EDDM13: variants seen among roughly 807,000 people sequenced by gnomAD.
EDDM13 encodes epididymal protein 13.
Under a neutral mutation model 17.8 loss-of-function variants are expected in EDDM13, and 24 were observed. The ratio of observed to expected loss-of-function variants is 1.35; its 90% CI spans 0.98 to 1.90. The LOEUF (loss-of-function observed/expected upper bound fraction) is 1.90, where lower values mean the gene tolerates loss of function less well. EDDM13 is among the 40% of genes most tolerant of loss of function. The pLI, the probability that EDDM13 is intolerant of heterozygous loss-of-function variation, is 0.00. For missense variants in EDDM13, 97 were observed against 100.8 expected (o/e 0.96, Z 0.16); for synonymous variants, 31 against 37.5 (o/e 0.83, Z 0.63).
intron 13 of EDDM13, among the ~76,000 whole-genome samples, chr19:56,304,058 A>G (rs2040519317): frequency 6.6e-6 from 1 of 152,310 alleles, no homozygotes; most frequent in African/African-American, 2.4e-5. Context: ...AGCCGCCAGC[A>G]AGATCCCTTC....
At position 56,310,310 on chromosome 19, in the gene EDDM13, T is replaced by A. The variant is rs2040956807; in HGVS notation, c.*162T>A. ...GGTGCCCAGAGGCATGGCCAGAAGG[T>A]GTCTGTGGGGGCCATGCCTTAGGGG... is the stretch of plus-strand genomic sequence containing the variant. On this transcript the variant is annotated 3_prime_UTR_variant, in exon 15 of 15. Coordinates refer to ENST00000649256, the MANE Select transcript of EDDM13 (RefSeq NM_001354658.2). 6.6e-6 allele frequency: 1 copy of A among 152,208 alleles called. No homozygotes were observed. Among genetic ancestry groups the A allele is most frequent in the Non-Finnish European group, 1.5e-5 (1 of 68,074 alleles). 9.4% of individuals were successfully genotyped at this position (152,208 alleles called of 1,614,324 possible).
At chr19:56,301,546 G>T (rs1004681428) in intron 12 of EDDM13, among the ~76,000 whole-genome samples, 1 of 152,138 alleles carries the variant, frequency 6.6e-6, no homozygotes, top group Non-Finnish European at 1.5e-5. Flanking sequence ...GGGTCTTTGC[G>T]ACTTGTATCT....
chr19:56,292,166 C>T (rs1021057802), intron 9 of EDDM13, among the ~76,000 whole-genome samples: 10 of 152,202 alleles, frequency 6.6e-5, no homozygotes, highest in Admixed American at 1.3e-4. Context: ...ACATCTCTGA[C>T]CATTTCATCA....
chr19:56,285,495 T>C (rs1024901546), intron 6 of EDDM13, among the ~76,000 whole-genome samples: 3 of 152,260 alleles, frequency 2.0e-5, no homozygotes, highest in African/African-American at 7.2e-5. Flanking sequence ...GCTTCGTGTG[T>C]ACTCCCATAA....
chr19:56,305,239 G>A (rs1383207865), intron 14 of EDDM13, among the ~76,000 whole-genome samples: 1 of 150,806 alleles, frequency 6.6e-6, no homozygotes, highest in Non-Finnish European at 1.5e-5. Context: ...TCTGTACCAA[G>A]ACATCGTCTC....
chr19:56,290,032 G>T (rs77480487), intron 8 of EDDM13, among the ~76,000 whole-genome samples: 1 of 152,174 alleles, frequency 6.6e-6, no homozygotes, highest in Non-Finnish European at 1.5e-5. Flanking sequence ...CAAGAGCACT[G>T]GTCAAATGGA....
intron 9 of EDDM13, among the ~76,000 whole-genome samples, chr19:56,294,710 C>T (rs1457794463): frequency 1.2e-4 from 18 of 152,182 alleles, no homozygotes; most frequent in African/African-American, 2.4e-5. Flanking sequence ...TCCAATAAAA[C>T]TTCATCTACA....
intron 8 of EDDM13, among the ~76,000 whole-genome samples, chr19:56,289,642 C>A (rs1372170325): frequency 2.0e-5 from 3 of 152,110 alleles, no homozygotes; most frequent in Non-Finnish European, 4.4e-5. Flanking sequence ...GAGATGGGTT[C>A]TCACTTTGTT....
intron 3 of EDDM13, among the ~76,000 whole-genome samples, chr19:56,282,125 A>G (rs939591741): frequency 2.0e-5 from 3 of 152,102 alleles, no homozygotes; most frequent in Admixed American, 2.0e-4. Flanking sequence ...GGTGGGTAAG[A>G]CGTCTTCCTT....
intron 12 of EDDM13, among the ~76,000 whole-genome samples, chr19:56,301,717 G>C (rs946545513): frequency 3.3e-5 from 5 of 152,132 alleles, no homozygotes; most frequent in Non-Finnish European, 7.3e-5. Flanking sequence ...GGGCAAGACA[G>C]GGTCAGATTT....
intron 10 of EDDM13, 53 bp from the exon 11 acceptor site, chr19:56,296,283 T>TGCTG (rs1392169138): frequency 1.3e-5 from 2 of 152,324 alleles, no homozygotes; most frequent in Admixed American, 1.3e-4. Flanking sequence ...GGTCTGGAAG[T>TGCTG]GTTTATCATG....
chr19:56,280,613 T>C (rs370208027), intron 2 of EDDM13: 3 of 152,188 alleles, frequency 2.0e-5, no homozygotes, highest in Non-Finnish European at 4.4e-5. Context: ...TTATAATGAA[T>C]AGAAATTTAT....
intron 2 of EDDM13, among the ~76,000 whole-genome samples, 141 bp downstream of exon 2, chr19:56,276,250 T>TC (rs1438708334): frequency 6.6e-6 from 1 of 152,174 alleles, no homozygotes; most frequent in Non-Finnish European, 1.5e-5. Flanking sequence ...GGTCTGGACA[T>TC]GACTCAGAAA....
chr19:56,284,173 ACT>A, intron 4 of EDDM13, 23 bp from the exon 5 acceptor site: 1 of 985,328 alleles, frequency 1.0e-6, no homozygotes. Flanking sequence ...CACCATGCTG[ACT>A]CTCCTGGATG....
chr19:56,273,293 T>G (rs1355321197), intron 1 of EDDM13, among the ~76,000 whole-genome samples: 1 of 152,144 alleles, frequency 6.6e-6, no homozygotes, highest in Non-Finnish European at 1.5e-5. Flanking sequence ...AACATTACCA[T>G]AGTTAGATAA....
At chr19:56,302,346 C>T (rs1452292305) in intron 13 of EDDM13, among the ~76,000 whole-genome samples, 1 of 145,228 alleles carries the variant, frequency 6.9e-6, no homozygotes, top group Admixed American at 6.9e-5. Flanking sequence ...TCCCTTTCCT[C>T]TTCCTTTTTT....
chr19:56,281,654 T>C lies in EDDM13; in HGVS notation c.104-39T>C, dbSNP rs1600173202. The C allele has an allele frequency of 1.8e-5, 18 of 982,714 alleles. No individual in the cohort carries two copies. In the South Asian group the frequency reaches 1.9e-4, roughly 10 times the overall value. 60.9% of individuals were successfully genotyped at this position (982,714 alleles called of 1,614,324 possible). A position where few individuals can be genotyped will look rare whatever the true frequency, so the allele number is the denominator to read the frequency against. ...TCCACTCTCTTCCTTGAATTTTCCATGTTGATTCACTGGCTCCTGGCTCTG... is the reference window on the plus strand; with the variant it reads ...TCCACTCTCTTCCTTGAATTTTCCACGTTGATTCACTGGCTCCTGGCTCTG... On this transcript the variant is annotated intron_variant, in intron 2 of 14. Coordinates refer to ENST00000649256, the MANE Select transcript of EDDM13 (RefSeq NM_001354658.2).
intron 13 of EDDM13, among the ~76,000 whole-genome samples, chr19:56,302,571 T>TCTTCCTCTCCC (rs1390574819): frequency 1.6e-5 from 1 of 63,266 alleles, no homozygotes; most frequent in East Asian, 6.0e-4. Context: ...CCCCTTCCTT[T>TCTTCCTCTCCC]TCTTCCTCCC....
intron 9 of EDDM13, among the ~76,000 whole-genome samples, chr19:56,291,855 C>CATGATGAGG (rs1449394344): frequency 2.0e-5 from 3 of 152,076 alleles, no homozygotes; most frequent in Non-Finnish European, 4.4e-5. Flanking sequence ...CATGTAATGC[C>CATGATGAGG]ATGATGAGGA....
Sources: gnomAD v4.1 joint callset for allele counts (sites outside exome capture counted in the v4.1 genomes callset) on GRCh38, gnomAD v4.1.1 for gene constraint, MANE v1.5 for transcripts, NCBI Gene and HGNC (gene_info 2026-07-23, HGNC 2026-07-21) for gene names.